The following MCCC2 variants were observed in gnomAD, a reference collection of about 807,000 sequenced individuals.
MCCC2 encodes the protein methylcrotonoyl-CoA carboxylase beta chain, mitochondrial.
Under a neutral mutation model 77.2 loss-of-function variants are expected in MCCC2, and 52 were observed. That is an observed-to-expected ratio of 0.67 (90% CI 0.54 to 0.85). The LOEUF is 0.85. MCCC2 is among the 40% of genes least tolerant of loss of function. The probability of loss-of-function intolerance (pLI) is 0.00; values close to 1 mark genes in which losing one functional copy is unlikely to be tolerated. For synonymous variants in MCCC2, 253 were observed against 248.4 expected (o/e 1.02, Z -0.18); for missense variants, 682 against 703.2 (o/e 0.97, Z 0.34).
At chr5:71,623,989 A>G (rs928772003) in intron 6 of MCCC2, among the ~76,000 whole-genome samples, 1 of 152,224 alleles carries the variant, frequency 6.6e-6, no homozygotes, top group Non-Finnish European at 1.5e-5. Flanking sequence ...CCAAATTATC[A>G]TAGACTACTG....
chr5:71,596,392 G>A (rs2112294100), intron 3 of MCCC2, 28 bp downstream of exon 3: 1 of 1,563,394 alleles, frequency 6.4e-7, no homozygotes, highest in Non-Finnish European at 8.8e-7. Flanking sequence ...TACTGACTCA[G>A]AGTGTTCTCT....
rs1580327984 is a variant in MCCC2, at chr5:71,644,013, A to G, written c.1149+118A>G. The G allele has an allele frequency of 5.7e-6, 7 of 1,223,440 alleles. No homozygotes were observed. In the East Asian group the frequency reaches 1.8e-4, roughly 32 times the overall value. 75.8% of individuals were successfully genotyped at this position (1,223,440 alleles called of 1,614,324 possible). The stretch of plus-strand genomic sequence containing the variant: ...TGCTTAACTAGATGCCTCAGCAACC[A>G]GAACACTGTGTGCGCGGGCATGTGT... On this transcript the variant is annotated intron_variant, in intron 12 of 16. Transcript: ENST00000340941.
chr5:71,599,522 A>T, intron 3 of MCCC2, 137 bp from the exon 4 acceptor site: 1 of 731,424 alleles, frequency 1.4e-6, no homozygotes, highest in Non-Finnish European at 2.4e-6. Context: ...AGATTTTTAA[A>T]AATAGATTTT....
At chr5:71,638,877 G>A (rs544779) in intron 10 of MCCC2, among the ~76,000 whole-genome samples, 62,912 of 152,004 alleles carry the variant, frequency 0.41, 13,359 homozygotes, top group South Asian at 0.47. Flanking sequence ...TCCTTGCTCC[G>A]TGGGCTACAG....
intron 12 of MCCC2, among the ~76,000 whole-genome samples, chr5:71,644,605 T>C (rs1398889330): frequency 6.6e-6 from 1 of 152,166 alleles, no homozygotes; most frequent in Admixed American, 6.5e-5. Flanking sequence ...CATATACTTA[T>C]TTGATAAAAA....
intron 4 of MCCC2, among the ~76,000 whole-genome samples, chr5:71,601,379 T>C (rs1580279607): frequency 6.6e-6 from 1 of 152,220 alleles, no homozygotes. Flanking sequence ...GCACACACTC[T>C]GGAGTGTGAG....
At chr5:71,623,014 A>G (rs180923874) in intron 6 of MCCC2, among the ~76,000 whole-genome samples, 1 of 152,278 alleles carries the variant, frequency 6.6e-6, no homozygotes, top group East Asian at 1.9e-4. Flanking sequence ...TAAACTGTTC[A>G]TGAAAAAAGA....
intron 16 of MCCC2, among the ~76,000 whole-genome samples, chr5:71,653,068 G>A (rs1379317335): frequency 6.6e-6 from 1 of 152,232 alleles, no homozygotes; most frequent in African/African-American, 2.4e-5. Context: ...CATGTTAGGA[G>A]CCGAGAATAA....
intron 8 of MCCC2, among the ~76,000 whole-genome samples, chr5:71,633,117 A>T (rs1746787286): frequency 2.5e-4 from 19 of 75,236 alleles, no homozygotes; most frequent in Admixed American, 8.6e-4. Context: ...ATATATATAT[A>T]TATATATATA....
chr5:71,655,081 G>A (rs779831017), intron 16 of MCCC2, among the ~76,000 whole-genome samples: 5 of 152,132 alleles, frequency 3.3e-5, no homozygotes, highest in Non-Finnish European at 5.9e-5. Flanking sequence ...TGATCCACCC[G>A]CCTCGGCTTC....
At chr5:71,652,296 A>AT (rs1747457177) in intron 15 of MCCC2, among the ~76,000 whole-genome samples, 1 of 152,182 alleles carries the variant, frequency 6.6e-6, no homozygotes. Context: ...AATTTTGGCT[A>AT]TTTTAAATGA....
chr5:71,638,324 T>G lies in MCCC2; in HGVS notation c.1000-2679T>G, dbSNP rs473122. On this transcript the variant is annotated intron_variant, in intron 10 of 16. Coordinates refer to ENST00000340941, the MANE Select transcript of MCCC2 (RefSeq NM_022132.5). ...ATCTTGAACCCCTCAAAGTTACCCA[T>G]GAGGGTTGGAATCAACTTCTTCCAG... Among the ~76,000 whole-genome samples the G allele has an allele frequency of 7.2e-5, 11 of 152,180 alleles. No individual in the cohort carries two copies. In the South Asian group the frequency reaches 1.9e-3, roughly 26 times the overall value.
intron 6 of MCCC2, among the ~76,000 whole-genome samples, chr5:71,610,333 A>T (rs890088475): frequency 2.0e-5 from 3 of 152,170 alleles, no homozygotes; most frequent in African/African-American, 7.2e-5. Context: ...CCGATTTTCC[A>T]GGTGCGTCCG....
intron 16 of MCCC2, among the ~76,000 whole-genome samples, chr5:71,653,300 C>G (rs1431283606): frequency 6.6e-6 from 1 of 152,084 alleles, no homozygotes; most frequent in Non-Finnish European, 1.5e-5. Context: ...GCTGTTGGCT[C>G]GGTTTTTTTC....
chr5:71,613,020 A>G (rs946669950), intron 6 of MCCC2, among the ~76,000 whole-genome samples: 3 of 152,138 alleles, frequency 2.0e-5, no homozygotes, highest in African/African-American at 4.8e-5. Context: ...CCCCTGGCTT[A>G]TGGCTACCTC....
chr5:71,615,332 C>T (rs1245910054), intron 6 of MCCC2, among the ~76,000 whole-genome samples: 2 of 152,160 alleles, frequency 1.3e-5, no homozygotes, highest in Non-Finnish European at 2.9e-5. Flanking sequence ...ACCTCCATGC[C>T]CTACGAGAGT....
At position 71,653,052 on chromosome 5, in the gene MCCC2, G is replaced by T. The variant is rs1053290361; in HGVS notation, c.1574+298G>T. Among the ~76,000 whole-genome samples, 4 of 152,322 alleles carry T rather than the reference G, an allele frequency of 2.6e-5. No homozygotes were observed. In the East Asian group the frequency reaches 7.7e-4, roughly 29 times the overall value. On this transcript the variant is annotated intron_variant, in intron 16 of 16. Coordinates refer to ENST00000340941, the MANE Select transcript of MCCC2 (RefSeq NM_022132.5). ...GCCTGGAGGGGTCCTGCAGCCCAAG[G>T]TGGGCCATGTTAGGAGCCGAGAATA...
chr5:71,593,050 T>C, intron 2 of MCCC2, 58 bp downstream of exon 2: 1 of 1,414,036 alleles, frequency 7.1e-7, no homozygotes, highest in Admixed American at 1.7e-5. Context: ...CTAAAATAGT[T>C]ATTGCTTTTA....
intron 1 of MCCC2, among the ~76,000 whole-genome samples, chr5:71,591,407 A>G (rs1242153356): frequency 1.3e-5 from 2 of 149,904 alleles, no homozygotes; most frequent in African/African-American, 2.4e-5. Context: ...TAATTTGTGT[A>G]TATATGCCAG....
Sources: allele counts gnomAD v4.1 joint callset (sites outside exome capture counted in the v4.1 genomes callset), GRCh38; gene constraint gnomAD v4.1.1; transcripts MANE v1.5; gene names NCBI Gene and HGNC (gene_info 2026-07-23, HGNC 2026-07-21).